SLC9D1: variants seen among roughly 807,000 people sequenced by gnomAD.
The protein encoded by SLC9D1 is solute carrier family 9 member D1.
the SLC9D1 span, chr13:113,539,463 A>T: frequency 3.1e-6 from 5 of 1,613,526 alleles, no homozygotes; most frequent in Non-Finnish European, 4.2e-6. The surrounding 1 kb of genome is among the most constrained non-coding windows in gnomAD (Gnocchi z 4.8). Flanking sequence ...ACCTCCATCG[A>T]ACCCATCCGC....
the SLC9D1 span, chr13:113,534,168 G>A: frequency 1.2e-5 from 19 of 1,613,898 alleles, no homozygotes; most frequent in Non-Finnish European, 1.6e-5. Flanking sequence ...ATCGGAAGCT[G>A]CACATGGAAA....
the SLC9D1 span, chr13:113,504,123 G>A: frequency 6.6e-6 from 1 of 152,472 alleles, no homozygotes; most frequent in Non-Finnish European, 1.5e-5. Context: ...TGGAAAACTA[G>A]CATCGACTTA....
chr13:113,542,311 C>T, the SLC9D1 span, among the ~76,000 whole-genome samples: 1 of 21,998 alleles, frequency 4.5e-5, no homozygotes, highest in African/African-American at 2.6e-4. Flanking sequence ...ATGATACGCA[C>T]ACGGTCGCTG....
chr13:113,534,377 T>C, the SLC9D1 span: 1 of 748,296 alleles, frequency 1.3e-6, no homozygotes, highest in Middle Eastern at 3.8e-4. Context: ...TTTTATTTTA[T>C]ACACACTTTC....
At chr13:113,549,294 A>G in the SLC9D1 span, 1 of 1,016,888 alleles carries the variant, frequency 9.8e-7, no homozygotes, top group Non-Finnish European at 1.4e-6. Flanking sequence ...ACTCAGCGTG[A>G]CTGTGCTCAG....
At chr13:113,530,448 ATATG>A in the SLC9D1 span, 3 of 152,190 alleles carry the variant, frequency 2.0e-5, no homozygotes, top group African/African-American at 7.2e-5. Context: ...AGAAATATAT[ATATG>A]TATATATAAC....
chr13:113,514,605 A>G, the SLC9D1 span: 5 of 126,390 alleles, frequency 4.0e-5, no homozygotes, highest in South Asian at 2.5e-4. Flanking sequence ...CCATCCACAC[A>G]AGCCTGCTGC....
At chr13:113,529,074 G>A in the SLC9D1 span, 23 of 152,310 alleles carry the variant, frequency 1.5e-4, no homozygotes, top group Admixed American at 6.5e-4. Flanking sequence ...TCACTGCCAC[G>A]TTCTTTCCAG....
At chr13:113,503,422 C>T in the SLC9D1 span, 29 of 1,073,988 alleles carry the variant, frequency 2.7e-5, no homozygotes, top group African/African-American at 4.4e-4. Context: ...CATACTAGGG[C>T]ATGATTGTTG....
chr13:113,543,866 TGTTTTTGCTCTA>T, the SLC9D1 span, among the ~76,000 whole-genome samples: 2 of 152,140 alleles, frequency 1.3e-5, no homozygotes, highest in Non-Finnish European at 2.9e-5. Context: ...TCATTCTACG[TGTTTTTGCTCTA>T]GTTTTTGGTA....
chr13:113,530,144 C>G, the SLC9D1 span: 1 of 152,194 alleles, frequency 6.6e-6, no homozygotes, highest in Non-Finnish European at 1.5e-5. Flanking sequence ...CCATTCATAC[C>G]AACGTCCAGA....
the SLC9D1 span, among the ~76,000 whole-genome samples, chr13:113,522,631 C>T: frequency 6.6e-5 from 10 of 151,356 alleles, no homozygotes; most frequent in Admixed American, 2.6e-4. Flanking sequence ...TGAGCAACCG[C>T]GCCCGGCTGT....
chr13:113,540,053 TTC>T, the SLC9D1 span, among the ~76,000 whole-genome samples: 1 of 152,244 alleles, frequency 6.6e-6, no homozygotes, highest in African/African-American at 2.4e-5. Flanking sequence ...CGTGATTTCA[TTC>T]TGTTACGGTT....
chr13:113,514,970 G>A, the SLC9D1 span, among the ~76,000 whole-genome samples: 90 of 152,206 alleles, frequency 5.9e-4, no homozygotes, highest in African/African-American at 1.7e-3. Flanking sequence ...CTCCTGCCTC[G>A]GCCTCCCAAA....
At chr13:113,493,053 A>G in the SLC9D1 span, among the ~76,000 whole-genome samples, 2 of 152,240 alleles carry the variant, frequency 1.3e-5, no homozygotes, top group South Asian at 4.1e-4. Flanking sequence ...ATAAAATGAA[A>G]TGAGTTTGAA....
chr13:113,536,631 G>A, the SLC9D1 span: 1 of 970,420 alleles, frequency 1.0e-6, no homozygotes, highest in Non-Finnish European at 1.2e-6. Flanking sequence ...CGGCTCTCAG[G>A]TTTTCTCGCT....
At chr13:113,502,749 G>A in the SLC9D1 span, among the ~76,000 whole-genome samples, 1 of 152,170 alleles carries the variant, frequency 6.6e-6, no homozygotes, top group African/African-American at 2.4e-5. Flanking sequence ...CGTGCCAGGG[G>A]GTGGGACGGG....
chr13:113,506,310 AGAGGCTGTTATGGGTGG>A, the SLC9D1 span, among the ~76,000 whole-genome samples: 47 of 60,406 alleles, frequency 7.8e-4, 3 homozygotes, highest in African/African-American at 4.4e-3. Flanking sequence ...CTGTGGAGGA[AGAGGCTGTTATGGGTGG>A]GGAGGGTAAG....
chr13:113,548,278 G>A, the SLC9D1 span: 1 of 1,612,626 alleles, frequency 6.2e-7, no homozygotes, highest in Non-Finnish European at 8.5e-7. Flanking sequence ...GTCTTCAGCA[G>A]TGACGTAATG....
Sources: allele counts gnomAD v4.1 joint callset (sites outside exome capture counted in the v4.1 genomes callset), GRCh38; gene constraint gnomAD v4.1.1; non-coding constraint Gnocchi (gnomAD v3.1); transcripts MANE v1.5; gene names NCBI Gene and HGNC (gene_info 2026-07-23, HGNC 2026-07-21).